Variants in FARS2 observed in about 807,000 individuals in gnomAD.
The protein encoded by FARS2 is phenylalanine--tRNA ligase, mitochondrial.
In FARS2, 40 loss-of-function variants were observed where a neutral mutation model predicts 46.4. That is an observed-to-expected ratio of 0.86 (90% CI 0.67 to 1.12). FARS2 has a LOEUF of 1.12. Among genes scored for constraint, FARS2 ranks in the 50% most tolerant of loss-of-function variants. The pLI, the probability that FARS2 is intolerant of heterozygous loss-of-function variation, is 0.00. For missense variants in FARS2, 513 were observed against 567.9 expected (o/e 0.90, Z 0.98); for synonymous variants, 234 against 214.9 (o/e 1.09, Z -0.78).
chr6:5,706,096 C>T (rs1447657314), intron 6 of FARS2, among the ~76,000 whole-genome samples: 1 of 152,214 alleles, frequency 6.6e-6, no homozygotes, highest in Non-Finnish European at 1.5e-5. Context: ...AACTGCTCCA[C>T]CTCAGATCAT....
intron 1 of FARS2, among the ~76,000 whole-genome samples, chr6:5,304,939 G>C (rs993960005): frequency 3.3e-5 from 5 of 152,202 alleles, no homozygotes; most frequent in African/African-American, 1.2e-4. Flanking sequence ...GGAATACCTA[G>C]TGATTTGGAG....
At chr6:5,539,408 T>TATATATATATATATATATATATATA (rs68137910) in intron 4 of FARS2, among the ~76,000 whole-genome samples, 8 of 93,936 alleles carry the variant, frequency 8.5e-5, no homozygotes, top group Non-Finnish European at 1.5e-4. Flanking sequence ...ATGTATATAT[T>TATATATATATATATATATATATATA]TTTTTAGTAG....
chr6:5,578,795 C>T (rs1423221715), intron 5 of FARS2, among the ~76,000 whole-genome samples: 6 of 128,302 alleles, frequency 4.7e-5, no homozygotes, highest in Admixed American at 1.8e-4. Context: ...GAAGACAGAG[C>T]GGCACTCCGT....
chr6:5,344,790 C>T (rs1757121236), intron 1 of FARS2, among the ~76,000 whole-genome samples: 1 of 151,056 alleles, frequency 6.6e-6, no homozygotes, highest in South Asian at 2.1e-4. Context: ...TCTTTCTTTT[C>T]TCTTTTTTTT....
chr6:5,411,092 G>A (rs1036189742), intron 3 of FARS2, among the ~76,000 whole-genome samples: 1 of 152,074 alleles, frequency 6.6e-6, no homozygotes, highest in Non-Finnish European at 1.5e-5. Flanking sequence ...TAAAAGCCAT[G>A]ATGTCCCCCT....
At chr6:5,294,741 G>A (rs1767739457) in intron 1 of FARS2, among the ~76,000 whole-genome samples, 1 of 152,160 alleles carries the variant, frequency 6.6e-6, no homozygotes, top group Non-Finnish European at 1.5e-5. Flanking sequence ...GCAAGGTATA[G>A]GGGAAGGGGT....
intron 4 of FARS2, among the ~76,000 whole-genome samples, chr6:5,505,999 G>A (rs893882929): frequency 1.9e-4 from 29 of 152,204 alleles, no homozygotes; most frequent in Non-Finnish European, 4.0e-4. Flanking sequence ...ACAGGTGAAG[G>A]AAAGAGAATG....
chr6:5,328,254 T>G (rs1770536573), intron 1 of FARS2, among the ~76,000 whole-genome samples: 1 of 152,202 alleles, frequency 6.6e-6, no homozygotes, highest in South Asian at 2.1e-4. Flanking sequence ...GTCTCCCTCC[T>G]TGTTTACCCT....
intron 5 of FARS2, among the ~76,000 whole-genome samples, chr6:5,582,570 T>C (rs1773397541): frequency 6.6e-6 from 1 of 152,224 alleles, no homozygotes; most frequent in South Asian, 2.1e-4. Flanking sequence ...CGAAATTGCT[T>C]TTTTAGGTAT....
chr6:5,268,288 G>C (rs912251213), intron 1 of FARS2, among the ~76,000 whole-genome samples: 3 of 151,856 alleles, frequency 2.0e-5, no homozygotes, highest in Admixed American at 2.0e-4. Context: ...CCATGCCTAT[G>C]TCCTGAATGG....
At chr6:5,632,576 TCCTTCCC>T (rs368572132) in intron 6 of FARS2, among the ~76,000 whole-genome samples, 9 of 148,052 alleles carry the variant, frequency 6.1e-5, no homozygotes, top group South Asian at 2.2e-4. Context: ...TTTCCCTTCC[TCCTTCCC>T]CCTTCCCCCT....
intron 4 of FARS2, among the ~76,000 whole-genome samples, chr6:5,501,129 C>T (rs1377965942): frequency 2.0e-5 from 3 of 151,694 alleles, no homozygotes; most frequent in Non-Finnish European, 4.4e-5. Context: ...CAGATGTAAA[C>T]ATGATATGAA....
intron 6 of FARS2, among the ~76,000 whole-genome samples, chr6:5,723,053 ACT>A (rs1348178854): frequency 8.6e-5 from 13 of 152,036 alleles, no homozygotes; most frequent in African/African-American, 3.1e-4. Flanking sequence ...GTTGGGGAAG[ACT>A]CCACAGATGG....
chr6:5,620,159 C>G (rs1775691608), intron 6 of FARS2, among the ~76,000 whole-genome samples: 1 of 151,854 alleles, frequency 6.6e-6, no homozygotes, highest in African/African-American at 2.4e-5. Flanking sequence ...GAATCCCCGG[C>G]CTCTACTCAC....
chr6:5,602,873 A>G (rs939235571), intron 5 of FARS2, among the ~76,000 whole-genome samples: 8 of 152,178 alleles, frequency 5.3e-5, no homozygotes, highest in Admixed American at 5.2e-4. Context: ...AAACTTGTGT[A>G]TCTGTTGAAC....
intron 6 of FARS2, among the ~76,000 whole-genome samples, chr6:5,645,080 A>G (rs1342845922): frequency 6.6e-6 from 1 of 152,228 alleles, no homozygotes; most frequent in Non-Finnish European, 1.5e-5. Context: ...TTGGATGAGA[A>G]TATTCTCCCC....
intron 4 of FARS2, among the ~76,000 whole-genome samples, chr6:5,436,993 A>G (rs1477773967): frequency 1.3e-5 from 2 of 152,238 alleles, no homozygotes; most frequent in Non-Finnish European, 2.9e-5. Context: ...CAGTGAAACC[A>G]TCACCACAAT....
intron 6 of FARS2, among the ~76,000 whole-genome samples, chr6:5,639,946 T>A (rs1483346444): frequency 6.6e-6 from 1 of 152,192 alleles, no homozygotes; most frequent in Non-Finnish European, 1.5e-5. Flanking sequence ...AGTGGTCTCT[T>A]TAGTAAATTC....
chr6:5,655,248 T>A (rs1777554698), intron 6 of FARS2, among the ~76,000 whole-genome samples: 1 of 152,220 alleles, frequency 6.6e-6, no homozygotes, highest in Admixed American at 6.5e-5. Flanking sequence ...AGCTTGAGCT[T>A]CCAGCTTGTG....
Sources: gnomAD v4.1 joint callset for allele counts (sites outside exome capture counted in the v4.1 genomes callset) on GRCh38, gnomAD v4.1.1 for gene constraint, MANE v1.5 for transcripts, NCBI Gene and HGNC (gene_info 2026-07-23, HGNC 2026-07-21) for gene names.